EXOC4: variants seen among roughly 807,000 people sequenced by gnomAD.
EXOC4 encodes the protein exocyst complex component 4, also known as SEC8-like 1.
EXOC4 carries 71 observed loss-of-function variants against 107.2 expected under a neutral mutation model. That is an observed-to-expected ratio of 0.66 (90% CI 0.55 to 0.81). The LOEUF (loss-of-function observed/expected upper bound fraction) is 0.81. EXOC4 is among the 30% of genes least tolerant of loss of function. The pLI, the probability that EXOC4 is intolerant of heterozygous loss-of-function variation, is 0.00. For synonymous variants in EXOC4, 456 were observed against 441.2 expected (o/e 1.03, Z -0.42); for missense variants, 1,108 against 1,189.6 (o/e 0.93, Z 1.01).
intron 7 of EXOC4, among the ~76,000 whole-genome samples, chr7:133,386,811 G>A (rs571595444): frequency 1.4e-5 from 2 of 146,330 alleles, no homozygotes; most frequent in South Asian, 2.2e-4. Flanking sequence ...AATGAAAGAC[G>A]TAATGAAAGG....
At chr7:133,491,202 A>G (rs1179875760) in intron 9 of EXOC4, among the ~76,000 whole-genome samples, 2 of 152,240 alleles carry the variant, frequency 1.3e-5, no homozygotes, top group African/African-American at 4.8e-5. Context: ...GATAGTATGT[A>G]TGAATGCGAC....
chr7:133,693,118 A>C (rs1031075454), intron 10 of EXOC4, among the ~76,000 whole-genome samples: 2 of 152,204 alleles, frequency 1.3e-5, no homozygotes, highest in Non-Finnish European at 2.9e-5. Flanking sequence ...GAAGTTCCAC[A>C]ATAAGCTGTC....
intron 7 of EXOC4, among the ~76,000 whole-genome samples, chr7:133,405,554 G>A (rs1196592931): frequency 6.6e-6 from 1 of 152,132 alleles, no homozygotes; most frequent in Non-Finnish European, 1.5e-5. Context: ...TTTAGGGCTA[G>A]TAAACAGGAA....
chr7:134,010,045 A>G, intron 17 of EXOC4: 1 of 147,216 alleles, frequency 6.8e-6, no homozygotes, highest in African/African-American at 2.4e-5. Flanking sequence ...TATTGCTACT[A>G]TTATTCTTTA....
chr7:133,866,339 T>C (rs923042146), intron 11 of EXOC4, among the ~76,000 whole-genome samples: 3 of 152,150 alleles, frequency 2.0e-5, no homozygotes, highest in Non-Finnish European at 4.4e-5. Flanking sequence ...AGACATTGAC[T>C]AGATGCTCAG....
chr7:133,492,783 C>G (rs1296335600), intron 9 of EXOC4, among the ~76,000 whole-genome samples: 1 of 152,016 alleles, frequency 6.6e-6, no homozygotes, highest in Non-Finnish European at 1.5e-5. Context: ...TTAGCGATGT[C>G]TCTTGATAAC....
intron 13 of EXOC4, among the ~76,000 whole-genome samples, chr7:133,924,237 A>C (rs767117594): frequency 3.5e-4 from 53 of 152,236 alleles, no homozygotes; most frequent in Non-Finnish European, 6.8e-4. Context: ...GTTGCGCTAC[A>C]AGCAGTTTCT....
chr7:133,387,028 GTTA>G (rs558622458), intron 7 of EXOC4, among the ~76,000 whole-genome samples: 81 of 152,220 alleles, frequency 5.3e-4, no homozygotes, highest in African/African-American at 1.9e-3. Context: ...TCTTAGTTTT[GTTA>G]TCTTTACTAT....
intron 12 of EXOC4, among the ~76,000 whole-genome samples, chr7:133,904,753 C>G (rs1799530397): frequency 6.6e-6 from 1 of 152,214 alleles, no homozygotes; most frequent in South Asian, 2.1e-4. Flanking sequence ...ACAATGCACA[C>G]TCAAAGGCAC....
chr7:133,740,862 T>C (rs1401674078), intron 10 of EXOC4, among the ~76,000 whole-genome samples: 1 of 152,164 alleles, frequency 6.6e-6, no homozygotes, highest in Non-Finnish European at 1.5e-5. Context: ...AGTAGGCAGA[T>C]ATTAACATCC....
chr7:134,078,328 AT>A, the EXOC4 span, among the ~76,000 whole-genome samples: 1 of 151,292 alleles, frequency 6.6e-6, no homozygotes, highest in East Asian at 1.9e-4. Flanking sequence ...TATATATAAT[AT>A]TATATCTATA....
intron 7 of EXOC4, among the ~76,000 whole-genome samples, chr7:133,390,747 A>G (rs1796834306): frequency 6.6e-6 from 1 of 152,218 alleles, no homozygotes; most frequent in South Asian, 2.1e-4. Flanking sequence ...ACTTATATGT[A>G]ATCATTTCAA....
In EXOC4 at chr7:133,253,176, C is replaced by T. The variant is rs745903932; in HGVS notation, c.75C>T (p.Ile25=). ...GCAAAGACCCCTCGGGGCTGCTCAT[C>T]TCTGTGATCAGGTGAGGGAGGCAGG... ...SKSKDPSGLL[I]SVIRTLSTSD... is the part of the protein sequence containing the mutation. The change falls in exon 1 of 18, where the codon ATC becomes ATT. Residue 25 remains isoleucine, a synonymous_variant. Coordinates refer to ENST00000253861, the MANE Select transcript of EXOC4 (RefSeq NM_021807.4). 105 of 1,614,022 alleles carry T rather than the reference C, an allele frequency of 6.5e-5. 3 individuals are homozygous for T. The South Asian group carries it at 1.1e-3, about 17-fold the overall frequency.
intron 7 of EXOC4, among the ~76,000 whole-genome samples, chr7:133,453,204 C>T: frequency 6.6e-6 from 1 of 152,148 alleles, no homozygotes; most frequent in African/African-American, 2.4e-5. Context: ...ACATATATTT[C>T]TACTTCTCAC....
chr7:133,665,460 T>G (rs1250878830), intron 10 of EXOC4, among the ~76,000 whole-genome samples: 2 of 152,118 alleles, frequency 1.3e-5, no homozygotes, highest in Non-Finnish European at 2.9e-5. Context: ...TCTGGCAAAT[T>G]CTATAAATTA....
At chr7:133,609,350 C>G in intron 9 of EXOC4, among the ~76,000 whole-genome samples, 1 of 152,074 alleles carries the variant, frequency 6.6e-6, no homozygotes, top group South Asian at 2.1e-4. Flanking sequence ...ATGTTTATGC[C>G]AAATGAGTTT....
intron 11 of EXOC4, among the ~76,000 whole-genome samples, chr7:133,866,224 G>A (rs1053295067): frequency 3.9e-5 from 6 of 152,140 alleles, no homozygotes; most frequent in Middle Eastern, 3.2e-3. Context: ...GAAATCGAGC[G>A]ACTTCTCAAG....
At chr7:133,598,228 G>A (rs112624251) in intron 9 of EXOC4, among the ~76,000 whole-genome samples, 273 of 152,262 alleles carry the variant, frequency 1.8e-3, no homozygotes, top group African/African-American at 6.1e-3. Context: ...AAAATCAGGG[G>A]AGAATAATTA....
At chr7:133,518,026 T>A (rs1183628570) in intron 9 of EXOC4, among the ~76,000 whole-genome samples, 1 of 151,912 alleles carries the variant, frequency 6.6e-6, no homozygotes, top group East Asian at 1.9e-4. Flanking sequence ...TGGTGCCAGA[T>A]GGGATGCTTA....
Sources: gnomAD v4.1 joint callset for allele counts (sites outside exome capture counted in the v4.1 genomes callset) on GRCh38, gnomAD v4.1.1 for gene constraint, MANE v1.5 for transcripts, NCBI Gene and HGNC (gene_info 2026-07-23, HGNC 2026-07-21) for gene names.